The following PHAF1 variants were observed in gnomAD, a reference collection of about 807,000 sequenced individuals.
PHAF1 encodes the protein phagophore assembly factor 1, also known as phagosome assembly factor 1.
A neutral mutation model predicts 63.1 loss-of-function variants in PHAF1; 23 were observed. That is an observed-to-expected ratio of 0.36 (90% confidence interval 0.26 to 0.52). The LOEUF (loss-of-function observed/expected upper bound fraction) is 0.52, where lower values mean the gene tolerates loss of function less well. Ranked by LOEUF, PHAF1 falls within the 20% of genes least tolerant of loss-of-function variation. The pLI is 0.93. For synonymous variants in PHAF1, 167 were observed against 185.0 expected (o/e 0.90, Z 0.79); for missense variants, 427 against 517.2 (o/e 0.83, Z 1.69).
rs1347833506 is a variant in PHAF1, at chr16:67,147,305, G to A, written c.*174G>A. On this transcript the variant is annotated 3_prime_UTR_variant, in exon 16 of 16. Transcript: ENST00000219139. Reference sequence around the variant, plus strand: ...GCTCTGCCATGGGCTGAGTGGCCCAGATATTCTTCTGTCCATCTTTGGCCT... The same window carrying A: ...GCTCTGCCATGGGCTGAGTGGCCCAAATATTCTTCTGTCCATCTTTGGCCT... 2 of 593,250 alleles carry A rather than the reference G, an allele frequency of 3.4e-6. No homozygotes were observed. The highest frequency in any genetic ancestry group is 3.0e-6 in the Non-Finnish European group (1 of 338,248). The allele number at this position is 593,250 out of a possible 1,614,324, so 36.7% of individuals were successfully genotyped here. A position where few individuals can be genotyped will look rare whatever the true frequency, so the allele number is the denominator to read the frequency against.
At chr16:67,110,791 A>C (rs1448039056) in intron 1 of PHAF1, among the ~76,000 whole-genome samples, 1 of 152,026 alleles carries the variant, frequency 6.6e-6, no homozygotes, top group Non-Finnish European at 1.5e-5. Flanking sequence ...TATTAAAGGA[A>C]CAGCTGACTT....
intron 1 of PHAF1, among the ~76,000 whole-genome samples, chr16:67,113,086 G>A (rs1325404066): frequency 6.6e-6 from 1 of 152,198 alleles, no homozygotes. Context: ...CTTTTTGCCA[G>A]GTGAGGGACA....
intron 10 of PHAF1, among the ~76,000 whole-genome samples, chr16:67,141,243 G>A (rs763059549): frequency 7.9e-5 from 12 of 152,216 alleles, no homozygotes; most frequent in Admixed American, 6.5e-4. Context: ...GGAGTGAGGA[G>A]AGACTGAGTC....
intron 15 of PHAF1, 131 bp downstream of exon 15, chr16:67,146,481 C>T (rs900439877): frequency 3.4e-5 from 32 of 950,892 alleles, no homozygotes; most frequent in East Asian, 7.2e-5. Context: ...CTTCAGCAAC[C>T]GTGTCTGCTG....
chr16:67,126,082 G>T, intron 3 of PHAF1, 40 bp downstream of exon 3: 1 of 1,490,808 alleles, frequency 6.7e-7, no homozygotes, highest in Non-Finnish European at 9.3e-7. Flanking sequence ...GTCCAGCTGG[G>T]CCAGTCTTTC....
At chr16:67,139,769 CAT>C (rs1460199623) in intron 8 of PHAF1, 39 of 560,006 alleles carry the variant, frequency 7.0e-5, no homozygotes, top group Non-Finnish European at 1.0e-4. Context: ...CTTCATGTCA[CAT>C]GTGGGGGATT....
chr16:67,135,559 C>T (rs1466020911), intron 8 of PHAF1: 3 of 152,088 alleles, frequency 2.0e-5, no homozygotes, highest in Non-Finnish European at 4.4e-5. Flanking sequence ...CTCACTGCAG[C>T]CTCAAAACTC....
At chr16:67,115,441 G>A (rs1962697595) in intron 1 of PHAF1, among the ~76,000 whole-genome samples, 1 of 152,226 alleles carries the variant, frequency 6.6e-6, no homozygotes, top group Non-Finnish European at 1.5e-5. Context: ...GTGAGAAGGA[G>A]CTTGACGTGT....
In PHAF1 at chr16:67,144,355, C is replaced by G; in HGVS notation, c.941C>G (p.Pro314Arg). The change falls in exon 11 of 16, where the codon CCT becomes CGT. Residue 314 changes from proline (P) to arginine (R), a missense_variant. Pro to Arg is a moderately radical substitution (Grantham distance 103). Transcript: ENST00000219139. ...AAGTTTGTTCTACACACCAATTACC[C>G]TGGGCATTATAATTTCAACATGTGA... is the stretch of plus-strand genomic sequence containing the variant. Reference protein sequence around the residue: ...VKKFVLHTNYPGHYNFNIYHR... With the variant: ...VKKFVLHTNYRGHYNFNIYHR... 1 of 1,609,702 alleles carries G rather than the reference C, an allele frequency of 6.2e-7. No homozygotes were observed. The highest frequency in any genetic ancestry group is 8.5e-7 in the Non-Finnish European group (1 of 1,175,958).
chr16:67,147,468 C>A lies in PHAF1; in HGVS notation c.*337C>A. Reference sequence around the variant, plus strand: ...CCATGCACATTGGGAAGACTTGGGGCTCTTTCTGTGACTGAGGACACAGGC... The same window carrying A: ...CCATGCACATTGGGAAGACTTGGGGATCTTTCTGTGACTGAGGACACAGGC... On this transcript the variant is annotated 3_prime_UTR_variant, in exon 16 of 16. Coordinates refer to ENST00000219139, the MANE Select transcript of PHAF1 (RefSeq NM_025187.5). 3.4e-6 allele frequency: 1 copy of A among 292,194 alleles called. No individual in the cohort carries two copies. Among genetic ancestry groups the A allele is most frequent in the South Asian group, 8.3e-5 (1 of 12,048 alleles). 18.1% of individuals were successfully genotyped at this position (292,194 alleles called of 1,614,324 possible). A position where few individuals can be genotyped will look rare whatever the true frequency, so the allele number is the denominator to read the frequency against.
rs562109170 is a variant in PHAF1, at chr16:67,118,102, G to A, written c.65-2010G>A. On this transcript the variant is annotated intron_variant, in intron 1 of 15. Transcript: ENST00000219139. Reference sequence around the variant, plus strand: ...CCCAAGTAACTATGGGACTACAGGCGCCCGCCACCACGCCCGGCTAATTTT... The same window carrying A: ...CCCAAGTAACTATGGGACTACAGGCACCCGCCACCACGCCCGGCTAATTTT... Among the ~76,000 whole-genome samples, 520 of 146,660 alleles carry A rather than the reference G, an allele frequency of 3.5e-3. 3 individuals carry two copies. The highest frequency in any genetic ancestry group is 0.013 in the African/African-American group (502 of 40,146).
chr16:67,144,227 C>T (rs1391059974), intron 10 of PHAF1, 67 bp from the exon 11 acceptor site: 7 of 1,201,874 alleles, frequency 5.8e-6, no homozygotes, highest in Non-Finnish European at 8.6e-6. Context: ...TTGGACATGC[C>T]TTTGGAAAGG....
chr16:67,115,307 G>A (rs115992891), intron 1 of PHAF1, among the ~76,000 whole-genome samples: 1 of 152,156 alleles, frequency 6.6e-6, no homozygotes, highest in Non-Finnish European at 1.5e-5. Flanking sequence ...GGTATGAGAG[G>A]CTTCATTGAA....
chr16:67,129,959 ATAT>A (rs750119141), intron 3 of PHAF1, among the ~76,000 whole-genome samples: 161 of 152,206 alleles, frequency 1.1e-3, no homozygotes, highest in Non-Finnish European at 3.1e-4. Flanking sequence ...TGTGTGACAA[ATAT>A]TATGGCTTGC....
chr16:67,124,473 A>G (rs1963104548), intron 2 of PHAF1, among the ~76,000 whole-genome samples: 1 of 152,252 alleles, frequency 6.6e-6, no homozygotes, highest in African/African-American at 2.4e-5. Flanking sequence ...CTCTTAGGAG[A>G]GAATTTCTCC....
At chr16:67,110,325 C>T (rs2145804756) in intron 1 of PHAF1, 86 bp downstream of exon 1, 1 of 1,424,568 alleles carries the variant, frequency 7.0e-7, no homozygotes, top group South Asian at 1.2e-5. Context: ...GTCTCTCACG[C>T]CCCTGCGCCC....
intron 14 of PHAF1, 23 bp downstream of exon 14, chr16:67,145,651 C>T (rs776474408): frequency 1.9e-5 from 30 of 1,603,642 alleles, no homozygotes; most frequent in East Asian, 4.5e-5. Flanking sequence ...TTGATGTCCC[C>T]GGCCACCCCA....
At chr16:67,120,218 T>C (rs750845517) in intron 2 of PHAF1, 24 bp downstream of exon 2, 4 of 1,599,616 alleles carry the variant, frequency 2.5e-6, no homozygotes, top group South Asian at 2.2e-5. Flanking sequence ...GATTTGTTTA[T>C]TGAAATAGCA....
At chr16:67,129,092 T>C (rs907876722) in intron 3 of PHAF1, among the ~76,000 whole-genome samples, 4 of 152,240 alleles carry the variant, frequency 2.6e-5, no homozygotes, top group African/African-American at 9.6e-5. Flanking sequence ...GACAAGGCTC[T>C]GGCCTCAGTG....
Sources: allele counts gnomAD v4.1 joint callset (sites outside exome capture counted in the v4.1 genomes callset), GRCh38; gene constraint gnomAD v4.1.1; transcripts MANE v1.5; gene names NCBI Gene and HGNC (gene_info 2026-07-23, HGNC 2026-07-21).